Variants in EPB41L3 observed in about 807,000 individuals in gnomAD.
The protein encoded by EPB41L3 is erythrocyte membrane protein band 4.1 like 3, also known as band 4.1-like protein 3.
A neutral mutation model predicts 127.1 loss-of-function variants in EPB41L3; 57 were observed. The observed-to-expected ratio is 0.45, with a 90% CI of 0.36 to 0.56. EPB41L3 has a LOEUF of 0.56. Among genes scored for constraint, EPB41L3 ranks in the 20% least tolerant of loss-of-function variants. EPB41L3 has a pLI of 0.00. For missense variants in EPB41L3, 1,273 were observed against 1,372.2 expected, an observed-to-expected ratio of 0.93 and a Z score of 1.14; for synonymous variants, 572 against 549.5, an observed-to-expected ratio of 1.04 and a Z score of -0.57.
chr18:5,445,112 T>C, intron 4 of EPB41L3, 28 bp downstream of exon 4: 1 of 1,573,398 alleles, frequency 6.4e-7, no homozygotes, highest in Admixed American at 1.7e-5. Context: ...TCAAGCCATC[T>C]TATTTTGCAT....
intron 3 of EPB41L3, among the ~76,000 whole-genome samples, chr18:5,458,080 T>C (rs1372249225): frequency 6.6e-6 from 1 of 152,032 alleles, no homozygotes; most frequent in Non-Finnish European, 1.5e-5. Flanking sequence ...GCATCTGGGG[T>C]TCATTTCCTG....
chr18:5,623,334 T>G (rs1457656622), intron 1 of EPB41L3, among the ~76,000 whole-genome samples: 1 of 152,218 alleles, frequency 6.6e-6, no homozygotes, highest in African/African-American at 2.4e-5. Context: ...ATTCAATTTC[T>G]CATAACTCAG....
intron 3 of EPB41L3, among the ~76,000 whole-genome samples, chr18:5,578,243 AT>A (rs1320911451): frequency 6.6e-6 from 1 of 152,210 alleles, no homozygotes; most frequent in Non-Finnish European, 1.5e-5. Flanking sequence ...TGAACATTGT[AT>A]TATCCACATC....
chr18:5,585,174 A>T (rs16948465), intron 3 of EPB41L3, among the ~76,000 whole-genome samples: 7 of 152,018 alleles, frequency 4.6e-5, no homozygotes, highest in Non-Finnish European at 2.9e-5. Flanking sequence ...TCTGATTGGA[A>T]TCTGTGTTTC....
chr18:5,444,326 T>A lies in EPB41L3; in HGVS notation c.487-446A>T, dbSNP rs537034370. 2.6e-5 allele frequency among the ~76,000 whole-genome samples: 4 copies of A among 152,294 alleles called. No homozygotes were observed. The South Asian group carries it at 8.3e-4, about 32-fold the overall frequency. ...CTAGGAAGCTTCCCTAACAAATCAA[T>A]AGTTGCCTGTGATTTCCGATTTTCC... is the stretch of plus-strand genomic sequence containing the variant. On this transcript the variant is annotated intron_variant, in intron 4 of 22. Coordinates refer to ENST00000341928, the MANE Select transcript of EPB41L3 (RefSeq NM_012307.5).
At chr18:5,429,478 C>T (rs1435622684) in intron 8 of EPB41L3, 1 of 152,138 alleles carries the variant, frequency 6.6e-6, no homozygotes, top group Non-Finnish European at 1.5e-5. Context: ...TCAGAGTCCA[C>T]CCCTGGTCCC....
chr18:5,615,210 T>TTC (rs2144109864), intron 1 of EPB41L3, among the ~76,000 whole-genome samples: 1 of 152,248 alleles, frequency 6.6e-6, no homozygotes, highest in African/African-American at 2.4e-5. Flanking sequence ...GACTTTTTTT[T>TTC]TAAACTGCTT....
At chr18:5,547,857 T>C (rs920108417), upstream of EPB41L3, among the ~76,000 whole-genome samples, 2 of 152,216 alleles carry the variant, frequency 1.3e-5, no homozygotes, top group African/African-American at 4.8e-5. Context: ...TGCAGTTGTA[T>C]TGACAGCCAT....
intron 3 of EPB41L3, among the ~76,000 whole-genome samples, chr18:5,561,878 C>A (rs2094139769): frequency 6.6e-6 from 1 of 152,202 alleles, no homozygotes; most frequent in Non-Finnish European, 1.5e-5. Context: ...ACTGTAGATT[C>A]TTTCCCAAGA....
Position 5,428,328 on chromosome 18 carries a change from C to T in EPB41L3, c.1050G>A (p.Lys350=). The stretch of plus-strand genomic sequence containing the variant: ...GTATACTTACCTCTCCCGGCCGGAT[C>T]TTAATGTAAAAGTTGTTCCGTTTGT... ...ISYKRNNFYI[K]IRPGEFEQFE... Residue 350 remains lysine, a synonymous_variant, in exon 9 of 23, where the codon AAG becomes AAA. Transcript: ENST00000341928. The T allele has an allele frequency of 1.2e-6, 2 of 1,614,188 alleles. No individual in the cohort carries two copies. Among genetic ancestry groups the T allele is most frequent in the Non-Finnish European group, 1.7e-6 (2 of 1,180,034 alleles).
chr18:5,489,009 G>T lies in EPB41L3; in HGVS notation c.175C>A (p.Arg59=). ...TTCTGGCCTGGGCTCACCTCCCTCC[G>T]CACCGGGGTGCTGTGCGCTGCAGCG... The part of the protein sequence containing the change: ...AAAAAHSTPV[R]REVTDKEQEF... The change falls in exon 2 of 23, where the codon CGG becomes AGG. Residue 59 remains arginine (R), a synonymous_variant. Transcript: ENST00000341928. The T allele has an allele frequency of 1.9e-6, 3 of 1,581,658 alleles. No homozygotes were observed. The South Asian group carries it at 3.4e-5, about 18-fold the overall frequency.
rs912308412 is a variant in EPB41L3 at position 5,392,958 on chromosome 18, C to G, written c.*527G>C. 2.6e-5 allele frequency: 4 copies of G among 152,790 alleles called. No individual in the cohort carries two copies. Among genetic ancestry groups the G allele is most frequent in the Admixed American group, 2.6e-4 (4 of 15,284 alleles). 9.5% of individuals were successfully genotyped at this position (152,790 alleles called of 1,614,324 possible). On this transcript the variant is annotated 3_prime_UTR_variant, in exon 23 of 23. Coordinates refer to ENST00000341928, the MANE Select transcript of EPB41L3 (RefSeq NM_012307.5). ...GTAATAAAACCAGATGAAACAAGTA[C>G]AAGTTGTTTACTGAATAAACTTGGT... is the stretch of plus-strand genomic sequence containing the variant.
chr18:5,492,803 T>A (rs930323381), intron 1 of EPB41L3, among the ~76,000 whole-genome samples: 1 of 152,194 alleles, frequency 6.6e-6, no homozygotes, highest in Non-Finnish European at 1.5e-5. Flanking sequence ...GGTAAGGACA[T>A]TCATAAGTAT....
At chr18:5,559,312 TG>T (rs1165094260) in intron 3 of EPB41L3, among the ~76,000 whole-genome samples, 4 of 152,140 alleles carry the variant, frequency 2.6e-5, no homozygotes, top group Non-Finnish European at 5.9e-5. Context: ...TTTCTTAACT[TG>T]GAACACAGAC....
At chr18:5,437,381 T>G (rs2080014535) in intron 6 of EPB41L3, among the ~76,000 whole-genome samples, 1 of 152,194 alleles carries the variant, frequency 6.6e-6, no homozygotes, top group Non-Finnish European at 1.5e-5. Context: ...GATCTCAAAC[T>G]TCTAGTCTCC....
chr18:5,465,687 C>A (rs1568298314), intron 3 of EPB41L3, among the ~76,000 whole-genome samples: 1 of 152,114 alleles, frequency 6.6e-6, no homozygotes, highest in Non-Finnish European at 1.5e-5. Flanking sequence ...CTCACAACAA[C>A]CCTGTGAGCT....
At chr18:5,488,579 G>GATAATA (rs1358108812) in intron 2 of EPB41L3, among the ~76,000 whole-genome samples, 68 of 148,814 alleles carry the variant, frequency 4.6e-4, no homozygotes, top group African/African-American at 1.3e-3. Flanking sequence ...TGATGATGAT[G>GATAATA]ATGATAATAA....
chr18:5,410,661 G>A (rs1164207984), intron 13 of EPB41L3, 42 bp from the exon 14 acceptor site: 3 of 1,568,480 alleles, frequency 1.9e-6, no homozygotes, highest in Non-Finnish European at 2.6e-6. Context: ...AGGAAGGCAG[G>A]GACAGAAAGT....
At chr18:5,430,562 T>C (rs573124089) in intron 8 of EPB41L3, among the ~76,000 whole-genome samples, 8 of 152,052 alleles carry the variant, frequency 5.3e-5, no homozygotes, top group Non-Finnish European at 8.8e-5. Context: ...GAAATCTTTT[T>C]TTTTTTCTTT....
Sources: gnomAD v4.1 joint callset for allele counts (sites outside exome capture counted in the v4.1 genomes callset) on GRCh38, gnomAD v4.1.1 for gene constraint, MANE v1.5 for transcripts, NCBI Gene and HGNC (gene_info 2026-07-23, HGNC 2026-07-21) for gene names.